The following KDM3B variants were observed in gnomAD, a reference collection of about 807,000 sequenced individuals.
KDM3B encodes the protein lysine demethylase 3B.
A neutral mutation model predicts 170.0 loss-of-function variants in KDM3B; 10 were observed. The observed-to-expected ratio is 0.06, with a 90% CI of 0.04 to 0.10. KDM3B has a LOEUF of 0.10. Among genes scored for constraint, KDM3B ranks in the 10% least tolerant of loss-of-function variants. KDM3B has a pLI of 1.00. For missense variants in KDM3B, 1,394 were observed against 2,195.2 expected, an observed-to-expected ratio of 0.64 and a Z score of 7.29; for synonymous variants, 831 against 834.8, an observed-to-expected ratio of 1.00 and a Z score of 0.08.
At chr5:138,390,502 G>A (rs1039745093) in intron 7 of KDM3B, among the ~76,000 whole-genome samples, 13 of 152,122 alleles carry the variant, frequency 8.5e-5, no homozygotes, top group African/African-American at 1.2e-4. Flanking sequence ...TTTCTTTAAC[G>A]TGCAGTAGGC....
rs117102909 is a variant in KDM3B at position 138,434,213 on chromosome 5, C to T, written c.5206-1407C>T. Among the ~76,000 whole-genome samples the T allele has an allele frequency of 3.3e-5, 5 of 152,172 alleles. No homozygotes were observed. The East Asian group carries it at 9.6e-4, about 29-fold the overall frequency. ...TTGAAGCTCTCGTGACCTATGATCA[C>T]CCCACTACACTCCAGCCTGGGCAAC... On this transcript the variant is annotated intron_variant, in intron 23 of 23. Coordinates refer to ENST00000314358, the MANE Select transcript of KDM3B (RefSeq NM_016604.4).
rs1169445601 is a variant in KDM3B, at chr5:138,436,385, T to A, written c.*685T>A. The A allele has an allele frequency of 6.6e-6, 1 of 152,268 alleles. No individual in the cohort carries two copies. Among genetic ancestry groups the A allele is most frequent in the Non-Finnish European group, 1.5e-5 (1 of 68,046 alleles). 9.4% of individuals were successfully genotyped at this position (152,268 alleles called of 1,614,324 possible). A position where few individuals can be genotyped will look rare whatever the true frequency, so the allele number is the denominator to read the frequency against. ...AAATACCACAGTTGTTTTCCTGGAT[T>A]ATAAGGAAAGGCACATTACATTTAG... On this transcript the variant is annotated 3_prime_UTR_variant, in exon 24 of 24. Coordinates refer to ENST00000314358, the MANE Select transcript of KDM3B (RefSeq NM_016604.4).
rs1762271266 is a variant in KDM3B at position 138,386,623 on chromosome 5, T to C, written c.1380+2T>C. 1 of 1,606,142 alleles carries C rather than the reference T, an allele frequency of 6.2e-7. No individual in the cohort carries two copies. The highest frequency in any genetic ancestry group is 1.3e-5 in the African/African-American group (1 of 74,598). On this transcript the variant is annotated splice_donor_variant, in intron 7 of 23. Coordinates refer to ENST00000314358, the MANE Select transcript of KDM3B (RefSeq NM_016604.4). LOFTEE classifies it high-confidence loss of function. ...AGCCGGTCGCAGGCCTCGGGAGAGG[T>C]GAGTTACTTCAGGGGCAGATTTGCA...
intron 7 of KDM3B, among the ~76,000 whole-genome samples, chr5:138,390,720 G>A (rs1046662523): frequency 7.2e-5 from 11 of 152,162 alleles, no homozygotes; most frequent in African/African-American, 2.7e-4. Context: ...AAGCCTACAA[G>A]GCCTTCTAGC....
chr5:138,431,679 T>C, intron 23 of KDM3B, 120 bp downstream of exon 23: 1 of 917,274 alleles, frequency 1.1e-6, no homozygotes. Flanking sequence ...GGAGGAGAAA[T>C]GATGCAGGGA....
chr5:138,365,060 C>A (rs1297710133), intron 1 of KDM3B, among the ~76,000 whole-genome samples: 1 of 152,118 alleles, frequency 6.6e-6, no homozygotes, highest in African/African-American at 2.4e-5. Flanking sequence ...CCCACCTTGA[C>A]AAGATATCCC....
intron 11 of KDM3B, among the ~76,000 whole-genome samples, chr5:138,409,226 GAA>G (rs1561784477): frequency 6.6e-6 from 1 of 152,040 alleles, no homozygotes; most frequent in Non-Finnish European, 1.5e-5. Context: ...GAAAACAAAA[GAA>G]GAGACATACA....
intron 1 of KDM3B, 90 bp downstream of exon 1, chr5:138,353,077 T>TTG: frequency 8.9e-6 from 2 of 225,860 alleles, no homozygotes; most frequent in Non-Finnish European, 1.4e-5. Flanking sequence ...GGCGGTGGGA[T>TTG]GGGGGTGACC....
At chr5:138,375,313 G>T in intron 3 of KDM3B, 107 bp downstream of exon 3, 2 of 477,278 alleles carry the variant, frequency 4.2e-6, no homozygotes, top group Non-Finnish European at 7.5e-6. Context: ...GAACATATTA[G>T]CATTTCTTTT....
At chr5:138,408,226 C>T (rs1762872487) in intron 11 of KDM3B, among the ~76,000 whole-genome samples, 1 of 152,116 alleles carries the variant, frequency 6.6e-6, no homozygotes, top group Admixed American at 6.5e-5. Context: ...TCTGTAATCC[C>T]TATGTAAATC....
At chr5:138,430,146 T>C in intron 21 of KDM3B, 103 bp from the exon 22 acceptor site, 1 of 1,407,248 alleles carries the variant, frequency 7.1e-7, no homozygotes, top group Middle Eastern at 1.8e-4. Context: ...TAGAATAAAG[T>C]TTTGCCATCC....
chr5:138,429,270 T>C (rs1370470968), intron 20 of KDM3B, among the ~76,000 whole-genome samples: 1 of 152,096 alleles, frequency 6.6e-6, no homozygotes, highest in Non-Finnish European at 1.5e-5. Context: ...CAGGCTGGGC[T>C]CGAACTCCCA....
chr5:138,372,945 T>C, intron 2 of KDM3B, 104 bp downstream of exon 2: 2 of 975,428 alleles, frequency 2.1e-6, no homozygotes, highest in Non-Finnish European at 2.8e-6. Context: ...TACTTTGTCC[T>C]TAACGTACAT....
At chr5:138,373,326 G>A (rs987611980) in intron 2 of KDM3B, among the ~76,000 whole-genome samples, 1 of 151,968 alleles carries the variant, frequency 6.6e-6, no homozygotes, top group Non-Finnish European at 1.5e-5. Flanking sequence ...GGGACAGAGT[G>A]AGACCCCTGT....
rs201531771 is a variant in KDM3B, at chr5:138,364,331, GATA to G, written c.193-8335_193-8333del. 5.2e-3 allele frequency among the ~76,000 whole-genome samples: 791 copies of G among 152,244 alleles called. 7 individuals carry two copies. The highest frequency in any genetic ancestry group is 6.8e-3 in the African/African-American group (282 of 41,542). ...CATGTGTTGCTTTTATAACGCAAAA[GATA>G]ATAATAAATGCTGTGCAAGGAATTT... On this transcript the variant is annotated intron_variant, in intron 1 of 23. Coordinates refer to ENST00000314358, the MANE Select transcript of KDM3B (RefSeq NM_016604.4).
chr5:138,375,249 G>A (rs372397255), intron 3 of KDM3B, 43 bp downstream of exon 3: 7 of 1,263,782 alleles, frequency 5.5e-6, no homozygotes, highest in African/African-American at 3.0e-5. Flanking sequence ...TATTTTTTTC[G>A]CTGCTAATTT....
chr5:138,374,978 T>G lies in KDM3B; in HGVS notation c.361-115T>G, dbSNP rs1417866452. 1.4e-4 allele frequency: 92 copies of G among 644,980 alleles called. 1 individual carries two copies. The highest frequency in any genetic ancestry group is 1.4e-5 in the Non-Finnish European group (5 of 353,020). 40.0% of individuals were successfully genotyped at this position (644,980 alleles called of 1,614,324 possible). On this transcript the variant is annotated intron_variant, in intron 2 of 23. Coordinates refer to ENST00000314358, the MANE Select transcript of KDM3B (RefSeq NM_016604.4). Reference sequence around the variant, plus strand: ...CCAAGGACTTATGCTTTAGCTTATCTGTATTTACTGGGATGAAAGATATAA... The same window carrying G: ...CCAAGGACTTATGCTTTAGCTTATCGGTATTTACTGGGATGAAAGATATAA...
chr5:138,421,084 GTC>G, intron 15 of KDM3B, 122 bp downstream of exon 15: 1 of 1,179,750 alleles, frequency 8.5e-7, no homozygotes. Context: ...AGCTGACAAG[GTC>G]TCTCTTTAAA....
At chr5:138,370,830 C>T (rs1761855354) in intron 1 of KDM3B, among the ~76,000 whole-genome samples, 1 of 150,576 alleles carries the variant, frequency 6.6e-6, no homozygotes, top group East Asian at 1.9e-4. Flanking sequence ...TTTTCCGAGA[C>T]AGAGTTTTGC....
Sources: gnomAD v4.1 joint callset for allele counts (sites outside exome capture counted in the v4.1 genomes callset) on GRCh38, gnomAD v4.1.1 for gene constraint, MANE v1.5 for transcripts, NCBI Gene and HGNC (gene_info 2026-07-23, HGNC 2026-07-21) for gene names.